The following PLEKHG4B variants were observed in gnomAD, a reference collection of about 807,000 sequenced individuals.
The protein encoded by PLEKHG4B is pleckstrin homology domain-containing family G member 4B.
Under a neutral mutation model 121.3 loss-of-function variants are expected in PLEKHG4B, and 111 were observed. The ratio of observed to expected loss-of-function variants is 0.92; its 90% CI spans 0.78 to 1.07. PLEKHG4B has a LOEUF of 1.07. PLEKHG4B is among the 50% of genes least tolerant of loss of function. The pLI is 0.00. For synonymous variants in PLEKHG4B, 738 were observed against 725.0 expected, an observed-to-expected ratio of 1.02 and a Z score of -0.29; for missense variants, 1,831 against 1,757.8, an observed-to-expected ratio of 1.04 and a Z score of -0.74.
chr5:101,240 A>G lies in PLEKHG4B; in HGVS notation c.45+8964A>G, dbSNP rs572270369. Among the ~76,000 whole-genome samples the G allele has an allele frequency of 6.3e-4, 79 of 125,170 alleles. 3 individuals are homozygous for G. Among genetic ancestry groups the G allele is most frequent in the Middle Eastern group, 4.1e-3 (1 of 244 alleles). The allele number at this position is 125,170 out of a possible 152,430, so 82.1% of individuals were successfully genotyped here. ...GAGGTTAATCCATATAAAGCCCTGGAAAAAGTCTGTAGGGGAGACTGTTGT... is the reference window on the plus strand; with the variant it reads ...GAGGTTAATCCATATAAAGCCCTGGGAAAAGTCTGTAGGGGAGACTGTTGT... On this transcript the variant is annotated intron_variant, in intron 1 of 19. Transcript: ENST00000637938.
intron 1 of PLEKHG4B, among the ~76,000 whole-genome samples, chr5:111,116 C>T (rs1169704829): frequency 2.0e-5 from 3 of 152,260 alleles, no homozygotes; most frequent in African/African-American, 4.8e-5. Flanking sequence ...CAAAGGTGCT[C>T]CCCAGAATCG....
chr5:162,041 C>T (rs1045407804), intron 12 of PLEKHG4B, 97 bp downstream of exon 12: 1 of 1,432,180 alleles, frequency 7.0e-7, no homozygotes, highest in Non-Finnish European at 9.2e-7. Flanking sequence ...GTGGGCCAGG[C>T]TGTGGGACAG....
chr5:94,555 G>A, intron 1 of PLEKHG4B, among the ~76,000 whole-genome samples: 1 of 144,846 alleles, frequency 6.9e-6, no homozygotes, highest in South Asian at 2.1e-4. Context: ...CTGGGCAGGG[G>A]GAGAGTGAAG....
chr5:110,970 C>T (rs1303841739), intron 1 of PLEKHG4B, among the ~76,000 whole-genome samples: 1 of 152,276 alleles, frequency 6.6e-6, no homozygotes, highest in African/African-American at 2.4e-5. Flanking sequence ...TGCTCTCTCT[C>T]CTGGCCCCGA....
chr5:142,801 G>A (rs1735263184), intron 3 of PLEKHG4B, among the ~76,000 whole-genome samples: 1 of 152,244 alleles, frequency 6.6e-6, no homozygotes, highest in South Asian at 2.1e-4. Context: ...GCGTCTGCAG[G>A]TAGTGAGCAT....
At position 99,170 on chromosome 5, in the gene PLEKHG4B, GTATATATATATATATATATATA is replaced by G. The variant is rs534174768; in HGVS notation, c.45+6916_45+6937del. Among the ~76,000 whole-genome samples the G allele has an allele frequency of 5.4e-4, 54 of 100,500 alleles. No individual in the cohort carries two copies. The East Asian group carries it at 0.011, about 20-fold the overall frequency. The allele number at this position is 100,500 out of a possible 152,430, so 65.9% of individuals were successfully genotyped here. A position where few individuals can be genotyped will look rare whatever the true frequency, so the allele number is the denominator to read the frequency against. ...GAGTCTGTCTCAAAAAAAAAAAAGTGTATATATATATATATATATATATATATATATATATATATATATTTTG... is the reference window on the plus strand; with the variant it reads ...GAGTCTGTCTCAAAAAAAAAAAAGTGTATATATATATATATATATATTTTG... On this transcript the variant is annotated intron_variant, in intron 1 of 19. Transcript: ENST00000637938.
At chr5:98,937 A>T (rs1438707580) in intron 1 of PLEKHG4B, among the ~76,000 whole-genome samples, 1 of 126,076 alleles carries the variant, frequency 7.9e-6, no homozygotes. Context: ...CGGGTGGATC[A>T]TGAGGTCAGG....
At chr5:104,116 G>A (rs1446514399) in intron 1 of PLEKHG4B, among the ~76,000 whole-genome samples, 1 of 135,894 alleles carries the variant, frequency 7.4e-6, no homozygotes, top group Non-Finnish European at 1.5e-5. Context: ...TCCCAGCACC[G>A]ATTCCTAAAC....
chr5:116,988 G>A, intron 2 of PLEKHG4B, among the ~76,000 whole-genome samples: 1 of 152,308 alleles, frequency 6.6e-6, no homozygotes, highest in African/African-American at 2.4e-5. Flanking sequence ...AAAACGCGTG[G>A]CTGCTTTCAA....
In PLEKHG4B at chr5:156,299, C is replaced by G; in HGVS notation, c.2348+89C>G. Reference sequence around the variant, plus strand: ...CACCAGGAGGCGTAGCGCTCTGCTCCAAGGAGAGCCCCCTCTGTGCTTGGT... The same window carrying G: ...CACCAGGAGGCGTAGCGCTCTGCTCGAAGGAGAGCCCCCTCTGTGCTTGGT... On this transcript the variant is annotated intron_variant, in intron 10 of 19. Coordinates refer to ENST00000637938, the MANE Select transcript of PLEKHG4B (RefSeq NM_052909.5). The surrounding 1 kb of genome is among the most constrained non-coding windows in gnomAD (Gnocchi z 4.4). The G allele has an allele frequency of 1.6e-6, 2 of 1,240,932 alleles. No individual in the cohort carries two copies. The highest frequency in any genetic ancestry group is 1.0e-6 in the Non-Finnish European group (1 of 965,638). The allele number at this position is 1,240,932 out of a possible 1,614,324, so 76.9% of individuals were successfully genotyped here.
At chr5:110,067 C>T (rs898338277) in intron 1 of PLEKHG4B, among the ~76,000 whole-genome samples, 1 of 150,724 alleles carries the variant, frequency 6.6e-6, no homozygotes, top group Non-Finnish European at 1.5e-5. Context: ...CACACCCACA[C>T]AATCTGCAAC....
intron 1 of PLEKHG4B, among the ~76,000 whole-genome samples, chr5:98,470 C>G (rs961997094): frequency 1.8e-5 from 2 of 109,368 alleles, no homozygotes; most frequent in African/African-American, 7.1e-5. Context: ...GAGTCTCACT[C>G]TGTCGCCAGG....
Position 150,948 on chromosome 5 carries a change from G to A in PLEKHG4B, c.1906-565G>A, listed in dbSNP as rs1735584850. 1.3e-5 allele frequency among the ~76,000 whole-genome samples: 2 copies of A among 152,220 alleles called. 1 individual carries two copies. The highest frequency in any genetic ancestry group is 4.1e-4 in the South Asian group (2 of 4,832). On this transcript the variant is annotated intron_variant, in intron 6 of 19. Coordinates refer to ENST00000637938, the MANE Select transcript of PLEKHG4B (RefSeq NM_052909.5). Reference sequence around the variant, plus strand: ...CTGGAAACAACCCAGTTATCCTTCAGCTGGTGAATGGATGAACAGATTGTG... The same window carrying A: ...CTGGAAACAACCCAGTTATCCTTCAACTGGTGAATGGATGAACAGATTGTG...
chr5:122,824 A>C (rs1475821625), intron 2 of PLEKHG4B, among the ~76,000 whole-genome samples: 2 of 152,244 alleles, frequency 1.3e-5, no homozygotes, highest in African/African-American at 4.8e-5. Flanking sequence ...CAGATAAGTA[A>C]GATTTCAAGA....
At chr5:168,728 T>C (rs1329834410) in intron 13 of PLEKHG4B, among the ~76,000 whole-genome samples, 2 of 152,194 alleles carry the variant, frequency 1.3e-5, no homozygotes, top group Non-Finnish European at 2.9e-5. Context: ...CCTGACAAGT[T>C]TCTTTTTGAA....
At chr5:178,663 A>G (rs1366563979) in intron 18 of PLEKHG4B, among the ~76,000 whole-genome samples, 1 of 152,222 alleles carries the variant, frequency 6.6e-6, no homozygotes, top group African/African-American at 2.4e-5. Flanking sequence ...GCATAGTAAT[A>G]TAGAATTGCT....
chr5:126,793 A>G (rs188002318), intron 2 of PLEKHG4B, among the ~76,000 whole-genome samples: 196 of 152,286 alleles, frequency 1.3e-3, no homozygotes, highest in Non-Finnish European at 2.1e-3. Flanking sequence ...TTTAATAGGC[A>G]AAAGAAAGAG....
chr5:148,319 T>A (rs1348008024), intron 6 of PLEKHG4B, among the ~76,000 whole-genome samples: 2 of 141,720 alleles, frequency 1.4e-5, no homozygotes, highest in South Asian at 2.2e-4. Flanking sequence ...TGTGATCTTA[T>A]ATGCAGAAAA....
intron 1 of PLEKHG4B, among the ~76,000 whole-genome samples, chr5:93,395 C>A (rs1733529013): frequency 6.6e-6 from 1 of 152,102 alleles, no homozygotes. Context: ...CTTGAGGAGG[C>A]CGCCGTCTCC....
Sources: allele counts gnomAD v4.1 joint callset (sites outside exome capture counted in the v4.1 genomes callset), GRCh38; gene constraint gnomAD v4.1.1; non-coding constraint Gnocchi (gnomAD v3.1); transcripts MANE v1.5; gene names NCBI Gene and HGNC (gene_info 2026-07-23, HGNC 2026-07-21).